GFRA3: variants seen among roughly 807,000 people sequenced by gnomAD.
GFRA3 encodes GDNF family receptor alpha-3.
In GFRA3, 24 loss-of-function variants were observed where a neutral mutation model predicts 40.0. The observed-to-expected ratio is 0.60, with a 90% confidence interval of 0.43 to 0.84. GFRA3 has a LOEUF of 0.84. Ranked by LOEUF, GFRA3 falls within the 40% of genes least tolerant of loss-of-function variation. The pLI, the probability that GFRA3 is intolerant of heterozygous loss-of-function variation, is 0.00. For synonymous variants in GFRA3, 203 were observed against 213.5 expected (o/e 0.95, Z 0.43); for missense variants, 405 against 530.6 (o/e 0.76, Z 2.33).
At chr5:138,271,494 G>A (rs936099529) in intron 1 of GFRA3, among the ~76,000 whole-genome samples, 1 of 152,080 alleles carries the variant, frequency 6.6e-6, no homozygotes, top group African/African-American at 2.4e-5. Flanking sequence ...CTTGATCCAG[G>A]GCAAAGGTCA....
intron 1 of GFRA3, among the ~76,000 whole-genome samples, chr5:138,266,618 C>T (rs186123712): frequency 1.3e-5 from 2 of 152,328 alleles, no homozygotes; most frequent in Admixed American, 1.3e-4. Flanking sequence ...CCCTGAAGCC[C>T]TCTTCCAGTC....
intron 1 of GFRA3, 135 bp downstream of exon 1, chr5:138,274,199 G>T: frequency 8.5e-7 from 1 of 1,177,906 alleles, no homozygotes; most frequent in Non-Finnish European, 1.1e-6. Flanking sequence ...TGGGCTTCCT[G>T]CTCCAGTTCC....
chr5:138,254,096 C>T lies in GFRA3; in HGVS notation c.850G>A (p.Glu284Lys), dbSNP rs1442994882. The T allele has an allele frequency of 6.2e-7, 1 of 1,613,206 alleles. No homozygotes were observed. Among genetic ancestry groups the T allele is most frequent in the East Asian group, 2.2e-5 (1 of 44,886 alleles). Residue 284 changes from glutamate (E) to lysine (K), a missense_variant, in exon 5 of 8, where the codon GAG (glutamate) becomes AAG (lysine). Transcript: ENST00000274721. ...TATGCTCGTAGACATCTGGACTGCT[C>T]TGTTGCACAAGTTCCTAGGATGTCC... ...PMDILGTCAT[E>K]QSRCLRAYLG...
At chr5:138,272,880 G>T (rs1755897898) in intron 1 of GFRA3, among the ~76,000 whole-genome samples, 1 of 152,044 alleles carries the variant, frequency 6.6e-6, no homozygotes, top group Non-Finnish European at 1.5e-5. Flanking sequence ...TTGTAACTTT[G>T]TTTTCTGCTT....
At chr5:138,274,068 G>A (rs768085464) in intron 1 of GFRA3, among the ~76,000 whole-genome samples, 3 of 152,184 alleles carry the variant, frequency 2.0e-5, no homozygotes, top group Non-Finnish European at 2.9e-5. Flanking sequence ...CCTCAAAAGA[G>A]GGAAGAGGGG....
chr5:138,271,468 A>G (rs1425254740), intron 1 of GFRA3, among the ~76,000 whole-genome samples: 1 of 152,180 alleles, frequency 6.6e-6, no homozygotes, highest in African/African-American at 2.4e-5. Context: ...TGTTTCCTGG[A>G]TTGTGAAACA....
At chr5:138,263,920 T>G (rs1755744721) in intron 2 of GFRA3, among the ~76,000 whole-genome samples, 1 of 152,174 alleles carries the variant, frequency 6.6e-6, no homozygotes, top group Non-Finnish European at 1.5e-5. Context: ...ACTTGGTATT[T>G]GGAGCCTGTT....
rs771001935 is a variant in GFRA3 at position 138,253,314 on chromosome 5, G to A, written c.1086C>T (p.His362=). The change falls in exon 7 of 8, where the codon CAC becomes CAT. Residue 362 remains histidine, a synonymous_variant. Transcript: ENST00000274721. The part of the protein sequence containing the change: ...HSQLFSQDWP[H]PTFAVMAHQN... ...GGTGTGCCATCACAGCAAAGGTAGG[G>A]TGTGGCCAGTCCTGGGAGAAGAGTT... The A allele has an allele frequency of 6.2e-7, 1 of 1,601,764 alleles. No homozygotes were observed. The highest frequency in any genetic ancestry group is 8.5e-7 in the Non-Finnish European group (1 of 1,173,330).
At chr5:138,253,398 A>G (rs753290020) in intron 6 of GFRA3, 23 bp from the exon 7 acceptor site, 13 of 1,440,170 alleles carry the variant, frequency 9.0e-6, no homozygotes, top group Non-Finnish European at 1.2e-5. Context: ...GAGAAGGCTC[A>G]TTGGAAGGGT....
At position 138,257,619 on chromosome 5, in the gene GFRA3, T is replaced by C. The variant is rs555431958; in HGVS notation, c.785+20A>G. On this transcript the variant is annotated intron_variant, in intron 4 of 7. Coordinates refer to ENST00000274721, the MANE Select transcript of GFRA3 (RefSeq NM_001496.4). The stretch of plus-strand genomic sequence containing the variant: ...GCGTGTGCCTCATCCCTGCCCACCC[T>C]GTCCTCCCAAACTACACACCTGCAA... 1.3e-6 allele frequency: 2 copies of C among 1,595,872 alleles called. No individual in the cohort carries two copies. The highest frequency in any genetic ancestry group is 1.1e-5 in the South Asian group (1 of 89,638).
At chr5:138,264,156 C>T in intron 2 of GFRA3, 105 bp downstream of exon 2, 1 of 887,184 alleles carries the variant, frequency 1.1e-6, no homozygotes, top group African/African-American at 1.7e-5. Flanking sequence ...GCTTCATTAT[C>T]CTCCTCCTCA....
At chr5:138,254,665 A>G (rs1755600971) in intron 4 of GFRA3, among the ~76,000 whole-genome samples, 1 of 152,168 alleles carries the variant, frequency 6.6e-6, no homozygotes, top group African/African-American at 2.4e-5. Context: ...TGGAACCCAT[A>G]GCATTTCACT....
chr5:138,270,750 T>A (rs1249869556), intron 1 of GFRA3, among the ~76,000 whole-genome samples: 1 of 152,058 alleles, frequency 6.6e-6, no homozygotes, highest in East Asian at 1.9e-4. Context: ...AGGAAATATG[T>A]ATTTCCAAAA....
Position 138,264,422 on chromosome 5 carries a change from G to A in GFRA3, c.218C>T (p.Thr73Ile). 6.2e-7 allele frequency: 1 copy of A among 1,614,130 alleles called. No homozygotes were observed. Among genetic ancestry groups the A allele is most frequent in the Non-Finnish European group, 8.5e-7 (1 of 1,179,976 alleles). Reference protein sequence around the residue: ...HLDSCTSSISTPLPSEEPSVP... With the variant: ...HLDSCTSSISIPLPSEEPSVP... Reference sequence around the variant, plus strand: ...CGAAGGCTCCTCTGAGGGCAGTGGGGTGCTTATGCTAGAGGTGCAGGAATC... The same window carrying A: ...CGAAGGCTCCTCTGAGGGCAGTGGGATGCTTATGCTAGAGGTGCAGGAATC... Residue 73 changes from threonine (T) to isoleucine (I), a missense_variant, in exon 2 of 8, where the codon ACC (threonine) becomes ATC (isoleucine). By Grantham distance (89) the Thr-to-Ile change is moderately conservative (BLOSUM62 -1). Coordinates refer to ENST00000274721, the MANE Select transcript of GFRA3 (RefSeq NM_001496.4).
chr5:138,272,009 CTTTT>C (rs558882177), intron 1 of GFRA3, among the ~76,000 whole-genome samples: 1 of 97,884 alleles, frequency 1.0e-5, no homozygotes, highest in Admixed American at 1.1e-4. Context: ...TTTTCTTTTT[CTTTT>C]TTTTTTTTTT....
chr5:138,267,620 C>A (rs564882948), intron 1 of GFRA3: 12 of 212,556 alleles, frequency 5.6e-5, no homozygotes, highest in Non-Finnish European at 1.2e-4. Context: ...CAGTTGCTTG[C>A]CAGCAAAGAT....
At chr5:138,258,531 A>G (rs1295347415) in intron 3 of GFRA3, among the ~76,000 whole-genome samples, 3 of 152,026 alleles carry the variant, frequency 2.0e-5, no homozygotes, top group African/African-American at 7.3e-5. Context: ...CACTATCATC[A>G]TCTATATGCA....
chr5:138,258,524 T>C (rs1325066297), intron 3 of GFRA3, among the ~76,000 whole-genome samples: 1 of 152,050 alleles, frequency 6.6e-6, no homozygotes, highest in African/African-American at 2.4e-5. Context: ...GAATAATCAC[T>C]ATCATCATCT....
At chr5:138,270,205 CAAAAA>C (rs34014240) in intron 1 of GFRA3, among the ~76,000 whole-genome samples, 1 of 72,474 alleles carries the variant, frequency 1.4e-5, no homozygotes, top group Non-Finnish European at 2.5e-5. Context: ...ACTAAAAATA[CAAAAA>C]AAAAAAAAAA....
Sources: allele counts gnomAD v4.1 joint callset (sites outside exome capture counted in the v4.1 genomes callset), GRCh38; gene constraint gnomAD v4.1.1; transcripts MANE v1.5; gene names NCBI Gene and HGNC (gene_info 2026-07-23, HGNC 2026-07-21).